The following RAB3IP variants were observed in gnomAD, a reference collection of about 807,000 sequenced individuals.
The protein encoded by RAB3IP is rab-3A-interacting protein.
In RAB3IP, 36 loss-of-function variants were observed where a neutral mutation model predicts 59.1. The ratio of observed to expected loss-of-function variants is 0.61; its 90% CI spans 0.47 to 0.80. The LOEUF (loss-of-function observed/expected upper bound fraction) is 0.80. Ranked by LOEUF, RAB3IP falls within the 30% of genes least tolerant of loss-of-function variation. The pLI is 0.00. For synonymous variants in RAB3IP, 207 were observed against 191.2 expected (o/e 1.08, Z -0.68); for missense variants, 511 against 536.0 (o/e 0.95, Z 0.46).
rs962111973 is a variant in RAB3IP at position 69,818,764 on chromosome 12, A to G, written c.*3318A>G. 1.3e-5 allele frequency: 2 copies of G among 152,206 alleles called. No individual in the cohort carries two copies. The highest frequency in any genetic ancestry group is 2.9e-5 in the Non-Finnish European group (2 of 68,018). The allele number at this position is 152,206 out of a possible 1,614,324, so 9.4% of individuals were successfully genotyped here. ...ACTGAACAGCTGTTTAGGCATTGAC[A>G]TATGTGACAAAACTTTTAAAAAGTA... On this transcript the variant is annotated 3_prime_UTR_variant, in exon 11 of 11. Coordinates refer to ENST00000247833, the MANE Select transcript of RAB3IP (RefSeq NM_022456.5).
At chr12:69,773,415 T>TTTA (rs1329681557) in intron 3 of RAB3IP, among the ~76,000 whole-genome samples, 1 of 137,932 alleles carries the variant, frequency 7.2e-6, no homozygotes, top group African/African-American at 2.6e-5. Flanking sequence ...TTTTTTTTTT[T>TTTA]TTTTTTTTAT....
At chr12:69,804,363 T>G (rs184329470) in intron 8 of RAB3IP, among the ~76,000 whole-genome samples, 254 of 152,326 alleles carry the variant, frequency 1.7e-3, no homozygotes, top group African/African-American at 5.3e-3. Flanking sequence ...TCTTGTAAAT[T>G]TGTTTGAGTT....
chr12:69,773,141 C>G (rs887294928), intron 3 of RAB3IP, among the ~76,000 whole-genome samples: 3 of 151,998 alleles, frequency 2.0e-5, no homozygotes, highest in African/African-American at 7.2e-5. Flanking sequence ...CTGCAAGGTT[C>G]TTGCTGAGAA....
At chr12:69,768,023 A>C (rs1872508045) in intron 3 of RAB3IP, among the ~76,000 whole-genome samples, 2 of 152,096 alleles carry the variant, frequency 1.3e-5, no homozygotes, top group Admixed American at 1.3e-4. Flanking sequence ...GAACCCCTCC[A>C]CCAGGATATC....
At chr12:69,762,288 T>C (rs1871429365) in intron 3 of RAB3IP, among the ~76,000 whole-genome samples, 2 of 152,160 alleles carry the variant, frequency 1.3e-5, no homozygotes, top group African/African-American at 4.8e-5. Flanking sequence ...CAGGAGGAAA[T>C]TGGGCTTTAG....
intron 7 of RAB3IP, among the ~76,000 whole-genome samples, chr12:69,801,025 T>G (rs1272806388): frequency 2.0e-5 from 3 of 152,168 alleles, no homozygotes; most frequent in Non-Finnish European, 4.4e-5. Flanking sequence ...TCTTGTTCAT[T>G]GTGGCTCTGT....
At chr12:69,750,331 T>C (rs1869041503) in intron 1 of RAB3IP, among the ~76,000 whole-genome samples, 1 of 152,220 alleles carries the variant, frequency 6.6e-6, no homozygotes. Flanking sequence ...CCAAGTAATC[T>C]TATTTCATCT....
intron 8 of RAB3IP, chr12:69,812,247 G>C (rs1036746880): frequency 6.6e-6 from 1 of 152,282 alleles, no homozygotes; most frequent in African/African-American, 2.4e-5. Context: ...CTTGTTACAT[G>C]ATTGTTAAGA....
chr12:69,810,620 T>G (rs1417317116), intron 8 of RAB3IP, among the ~76,000 whole-genome samples: 4 of 149,224 alleles, frequency 2.7e-5, no homozygotes, highest in African/African-American at 1.0e-4. Flanking sequence ...CAAAGTGCGT[T>G]CAAAGGATGG....
At chr12:69,808,785 A>T (rs11177871) in intron 8 of RAB3IP, among the ~76,000 whole-genome samples, 1 of 152,068 alleles carries the variant, frequency 6.6e-6, no homozygotes, top group Admixed American at 6.6e-5. Flanking sequence ...TTTTGAGCCT[A>T]TGTGTGTTTC....
intron 4 of RAB3IP, among the ~76,000 whole-genome samples, chr12:69,788,359 A>G (rs890554753): frequency 2.6e-5 from 4 of 152,138 alleles, no homozygotes; most frequent in East Asian, 1.9e-4. Context: ...AACCTGTACA[A>G]CATGTTACTA....
intron 4 of RAB3IP, among the ~76,000 whole-genome samples, chr12:69,793,924 T>C (rs1466829112): frequency 1.3e-5 from 2 of 152,188 alleles, no homozygotes; most frequent in African/African-American, 4.8e-5. Context: ...CTGATTTGCC[T>C]TTTTAGGTTG....
intron 1 of RAB3IP, among the ~76,000 whole-genome samples, chr12:69,747,924 G>C (rs1157306874): frequency 6.6e-6 from 1 of 152,098 alleles, no homozygotes; most frequent in Non-Finnish European, 1.5e-5. Flanking sequence ...CTTCTACTCT[G>C]CTGTGTTGCC....
rs1373495582 is a variant in RAB3IP, at chr12:69,821,007, A to C, written c.*5561A>C. On this transcript the variant is annotated 3_prime_UTR_variant, in exon 11 of 11. Coordinates refer to ENST00000247833, the MANE Select transcript of RAB3IP (RefSeq NM_022456.5). The stretch of plus-strand genomic sequence containing the variant: ...AATGTAGAAGAGGACTAAACTTGAT[A>C]AAATATTAAAAGAATTGAAACCCTT... 1 of 152,166 alleles carries C rather than the reference A, an allele frequency of 6.6e-6. No homozygotes were observed. The allele number at this position is 152,166 out of a possible 1,614,324, so 9.4% of individuals were successfully genotyped here.
At chr12:69,808,713 G>T (rs899120789) in intron 8 of RAB3IP, among the ~76,000 whole-genome samples, 2 of 152,150 alleles carry the variant, frequency 1.3e-5, no homozygotes, top group Non-Finnish European at 2.9e-5. Context: ...CCGAGACTAG[G>T]ATTACAACCC....
At chr12:69,814,325 G>A (rs1164385189) in intron 10 of RAB3IP, among the ~76,000 whole-genome samples, 1 of 152,064 alleles carries the variant, frequency 6.6e-6, no homozygotes, top group Non-Finnish European at 1.5e-5. Context: ...TATCTTCTCT[G>A]GTTTCTGTCA....
intron 8 of RAB3IP, among the ~76,000 whole-genome samples, chr12:69,808,577 C>T (rs1879861800): frequency 6.6e-6 from 1 of 152,192 alleles, no homozygotes; most frequent in Non-Finnish European, 1.5e-5. Context: ...CTTTATGAAT[C>T]TGGGTGCTCC....
At chr12:69,767,812 C>T (rs1301519636) in intron 3 of RAB3IP, among the ~76,000 whole-genome samples, 1 of 150,770 alleles carries the variant, frequency 6.6e-6, no homozygotes, top group East Asian at 2.0e-4. Flanking sequence ...GATCTCTGCA[C>T]AGGAAGGTTG....
chr12:69,794,297 C>T, intron 4 of RAB3IP, 140 bp from the exon 5 acceptor site: 1 of 642,422 alleles, frequency 1.6e-6, no homozygotes. Context: ...TCAACTGCTG[C>T]TTCCATAGTT....
Sources: gnomAD v4.1 joint callset for allele counts (sites outside exome capture counted in the v4.1 genomes callset) on GRCh38, gnomAD v4.1.1 for gene constraint, MANE v1.5 for transcripts, NCBI Gene and HGNC (gene_info 2026-07-23, HGNC 2026-07-21) for gene names.